The following AQP9 variants were observed in gnomAD, a reference collection of about 807,000 sequenced individuals.
AQP9 encodes aquaporin 9.
Under a neutral mutation model 23.8 loss-of-function variants are expected in AQP9, and 19 were observed. That is an observed-to-expected ratio of 0.80 (90% CI 0.56 to 1.17). The LOEUF (loss-of-function observed/expected upper bound fraction) is 1.17, where lower values mean the gene tolerates loss of function less well. Among genes scored for constraint, AQP9 ranks in the 50% most tolerant of loss-of-function variants. The pLI is 0.00. For synonymous variants in AQP9, 153 were observed against 131.5 expected, an observed-to-expected ratio of 1.16 and a Z score of -1.12; for missense variants, 413 against 362.0, an observed-to-expected ratio of 1.14 and a Z score of -1.14.
At position 58,138,449 on chromosome 15, in the gene AQP9, G is replaced by T; in HGVS notation, c.-117G>T. Reference sequence around the variant, plus strand: ...TTTGTACAGTCAGAGACTCTTACCAGACATCTCCAGGAATCTGTGAGCCAT... The same window carrying T: ...TTTGTACAGTCAGAGACTCTTACCATACATCTCCAGGAATCTGTGAGCCAT... On this transcript the variant is annotated 5_prime_UTR_variant, in exon 1 of 6. Transcript: ENST00000219919. 1 of 731,294 alleles carries T rather than the reference G, an allele frequency of 1.4e-6. No homozygotes were observed. The allele number at this position is 731,294 out of a possible 1,614,324, so 45.3% of individuals were successfully genotyped here.
At position 58,138,548 on chromosome 15, in the gene AQP9, C is replaced by A; in HGVS notation, c.-18C>A. On this transcript the variant is annotated 5_prime_UTR_variant, in exon 1 of 6. Coordinates refer to ENST00000219919, the MANE Select transcript of AQP9 (RefSeq NM_020980.5). ...GGTAGGTATTGGTAGAAACAGGAGT[C>A]CTCAGAGAAGCCCCAAGATGCAGCC... 1 of 1,609,552 alleles carries A rather than the reference C, an allele frequency of 6.2e-7. No homozygotes were observed. Among genetic ancestry groups the A allele is most frequent in the South Asian group, 1.1e-5 (1 of 90,924 alleles).
rs1430058301 is a variant in AQP9, at chr15:58,179,241, T to C, written c.609T>C (p.Ile203=). ...PIAIGLLIIV[I]ASSLGLNSGC... ...CCATCGGCCTCCTGATTATTGTCAT[T>C]GCTTCCTCCCTGGGACTGAACAGTG... is the stretch of plus-strand genomic sequence containing the variant. Residue 203 remains isoleucine, a synonymous_variant, in exon 5 of 6, where the codon ATT becomes ATC. Coordinates refer to ENST00000219919, the MANE Select transcript of AQP9 (RefSeq NM_020980.5). The C allele has an allele frequency of 1.2e-6, 2 of 1,614,066 alleles. No homozygotes were observed. Among genetic ancestry groups the C allele is most frequent in the Non-Finnish European group, 1.7e-6 (2 of 1,180,030 alleles).
At position 58,183,884 on chromosome 15, in the gene AQP9, C is replaced by T. The variant is rs1318831716; in HGVS notation, c.714-77C>T. The T allele has an allele frequency of 3.4e-6, 5 of 1,465,588 alleles. No individual in the cohort carries two copies. In the South Asian group the frequency reaches 3.7e-5, roughly 11 times the overall value. The allele number at this position is 1,465,588 out of a possible 1,614,324, so 90.8% of individuals were successfully genotyped here. ...GAACCATGAGTGTGAGAAAGACTAACAAGTGAGTGAAAAACTAGACAGTAA... is the reference window on the plus strand; with the variant it reads ...GAACCATGAGTGTGAGAAAGACTAATAAGTGAGTGAAAAACTAGACAGTAA... On this transcript the variant is annotated intron_variant, in intron 5 of 5. Coordinates refer to ENST00000219919, the MANE Select transcript of AQP9 (RefSeq NM_020980.5).
At chr15:58,179,104 C>G (rs1898821565) in intron 4 of AQP9, 24 bp from the exon 5 acceptor site, 2 of 1,551,840 alleles carry the variant, frequency 1.3e-6, no homozygotes, top group Admixed American at 1.7e-5. Flanking sequence ...GGCTAAAGCC[C>G]TGGCTCAACT....
chr15:58,145,338 A>G (rs1178393361), intron 1 of AQP9, among the ~76,000 whole-genome samples: 1 of 152,002 alleles, frequency 6.6e-6, no homozygotes, highest in African/African-American at 2.4e-5. Context: ...CCTGGTCTCT[A>G]CTAAAAACAC....
chr15:58,148,043 T>C (rs1339234226), intron 1 of AQP9, among the ~76,000 whole-genome samples: 1 of 152,198 alleles, frequency 6.6e-6, no homozygotes, highest in East Asian at 1.9e-4. Flanking sequence ...TTTTATAGTA[T>C]ACCCTTTTGA....
chr15:58,141,361 T>C (rs1022444411), intron 1 of AQP9, among the ~76,000 whole-genome samples: 1 of 152,230 alleles, frequency 6.6e-6, no homozygotes. Context: ...TTTCCAGGGC[T>C]GGACTTTTGA....
At chr15:58,159,986 T>A (rs1898340194) in intron 1 of AQP9, among the ~76,000 whole-genome samples, 1 of 152,242 alleles carries the variant, frequency 6.6e-6, no homozygotes, top group African/African-American at 2.4e-5. Flanking sequence ...CAGACAGCTC[T>A]TCAACATATT....
intron 1 of AQP9, among the ~76,000 whole-genome samples, chr15:58,139,435 C>T (rs143292373): frequency 2.2e-4 from 33 of 152,310 alleles, no homozygotes; most frequent in African/African-American, 7.2e-4. Flanking sequence ...TTTTGCTGCA[C>T]GTTCTAGCAT....
At chr15:58,183,918 G>A in intron 5 of AQP9, 43 bp from the exon 6 acceptor site, 2 of 1,603,934 alleles carry the variant, frequency 1.2e-6, no homozygotes, top group South Asian at 1.1e-5. Context: ...AATACCAGGA[G>A]GAAGGCCAAG....
intron 1 of AQP9, among the ~76,000 whole-genome samples, chr15:58,140,449 C>T (rs1897932656): frequency 6.6e-6 from 1 of 152,132 alleles, no homozygotes; most frequent in South Asian, 2.1e-4. Context: ...TATTTAATTT[C>T]CATTTATACT....
At chr15:58,180,168 C>T (rs551204492) in intron 5 of AQP9, among the ~76,000 whole-genome samples, 8 of 152,330 alleles carry the variant, frequency 5.3e-5, no homozygotes, top group South Asian at 4.1e-4. Context: ...GGCGCATCCT[C>T]ATCCACCCAT....
At chr15:58,161,275 C>G (rs370093002) in intron 1 of AQP9, among the ~76,000 whole-genome samples, 50 of 152,230 alleles carry the variant, frequency 3.3e-4, no homozygotes, top group Middle Eastern at 3.4e-3. Flanking sequence ...TCTGGGTAAT[C>G]GGGAATGACT....
rs1207465633 is a variant in AQP9 at position 58,185,059 on chromosome 15, G to A, written c.*924G>A. ...AAAGCCACTGGATCCTGGTCTAGCTGAATCTTCAGAGTGGGAGGTCTCCAA... is the reference window on the plus strand; with the variant it reads ...AAAGCCACTGGATCCTGGTCTAGCTAAATCTTCAGAGTGGGAGGTCTCCAA... On this transcript the variant is annotated 3_prime_UTR_variant, in exon 6 of 6. Transcript: ENST00000219919. 4 of 152,172 alleles carry A rather than the reference G, an allele frequency of 2.6e-5. No homozygotes were observed. Among genetic ancestry groups the A allele is most frequent in the Non-Finnish European group, 4.4e-5 (3 of 68,038 alleles). The allele number at this position is 152,172 out of a possible 1,614,324, so 9.4% of individuals were successfully genotyped here.
intron 1 of AQP9, chr15:58,151,805 G>A (rs1898155722): frequency 6.6e-6 from 1 of 152,058 alleles, no homozygotes; most frequent in Admixed American, 6.6e-5. Context: ...CCACGTGGAA[G>A]CCCCTATTGC....
chr15:58,166,336 C>T (rs1482873451), intron 1 of AQP9, among the ~76,000 whole-genome samples: 3 of 152,142 alleles, frequency 2.0e-5, no homozygotes, highest in African/African-American at 7.2e-5. Context: ...TTATTTCTTA[C>T]AATACATGTG....
chr15:58,161,292 G>T (rs139544304), intron 1 of AQP9, among the ~76,000 whole-genome samples: 54 of 152,154 alleles, frequency 3.5e-4, no homozygotes, highest in African/African-American at 1.2e-3. Flanking sequence ...GACTGGAGGA[G>T]TTCCCACCAA....
At chr15:58,160,709 G>A (rs1007662584) in intron 1 of AQP9, among the ~76,000 whole-genome samples, 1 of 152,160 alleles carries the variant, frequency 6.6e-6, no homozygotes, top group South Asian at 2.1e-4. Flanking sequence ...AGACAAGGTT[G>A]CAGGTATATA....
intron 3 of AQP9, among the ~76,000 whole-genome samples, chr15:58,174,703 T>C (rs1242833343): frequency 1.3e-5 from 2 of 152,202 alleles, no homozygotes; most frequent in Non-Finnish European, 2.9e-5. Flanking sequence ...CAGTGGGCCA[T>C]TCAGAGAGGC....
Sources: gnomAD v4.1 joint callset for allele counts (sites outside exome capture counted in the v4.1 genomes callset) on GRCh38, gnomAD v4.1.1 for gene constraint, MANE v1.5 for transcripts, NCBI Gene and HGNC (gene_info 2026-07-23, HGNC 2026-07-21) for gene names.